The following MAPKBP1 variants were observed in gnomAD, a reference collection of about 807,000 sequenced individuals.
The protein encoded by MAPKBP1 is mitogen-activated protein kinase binding protein 1.
In MAPKBP1, 71 loss-of-function variants were observed where a neutral mutation model predicts 170.5. The ratio of observed to expected loss-of-function variants is 0.42; its 90% CI spans 0.34 to 0.51. The LOEUF is 0.51. Among genes scored for constraint, MAPKBP1 ranks in the 20% least tolerant of loss-of-function variants. The pLI is 0.06. For missense variants in MAPKBP1, 1,598 were observed against 1,933.0 expected (o/e 0.83, Z 3.25); for synonymous variants, 719 against 757.9 (o/e 0.95, Z 0.84).
intron 2 of MAPKBP1, among the ~76,000 whole-genome samples, chr15:41,797,261 G>A (rs1468330007): frequency 2.6e-5 from 4 of 152,148 alleles, no homozygotes; most frequent in Non-Finnish European, 5.9e-5. Context: ...CATGAGGGAC[G>A]GAAGGGATCA....
intron 2 of MAPKBP1, among the ~76,000 whole-genome samples, chr15:41,791,379 G>A (rs965260894): frequency 6.6e-6 from 1 of 152,112 alleles, no homozygotes; most frequent in Non-Finnish European, 1.5e-5. Context: ...AGCCACTCCC[G>A]TGCCATTGCA....
At chr15:41,797,492 C>T (rs947454618) in intron 2 of MAPKBP1, among the ~76,000 whole-genome samples, 15 of 152,104 alleles carry the variant, frequency 9.9e-5, no homozygotes, top group Admixed American at 7.2e-4. Flanking sequence ...GGTTCAGTGC[C>T]AGGATGACTG....
intron 2 of MAPKBP1, among the ~76,000 whole-genome samples, chr15:41,783,407 T>G (rs893215284): frequency 1.3e-5 from 2 of 152,180 alleles, no homozygotes; most frequent in Non-Finnish European, 2.9e-5. Flanking sequence ...GACAGTTGGT[T>G]GATGAGTTAA....
In MAPKBP1 at chr15:41,818,119, G is replaced by A. The variant is rs751520036; in HGVS notation, c.1980+35G>A. 22 of 1,611,994 alleles carry A rather than the reference G, an allele frequency of 1.4e-5. No homozygotes were observed. Among genetic ancestry groups the A allele is most frequent in the South Asian group, 3.3e-5 (3 of 91,042 alleles). ...CAGAGGGGGTACTGGACAGGGGCTC[G>A]GGGACAGAGTGGTGCTGGGTGGGAG... On this transcript the variant is annotated intron_variant, in intron 17 of 30. Transcript: ENST00000457542. This position sits in a 1 kb window ranked among gnomAD's most constrained non-coding sequence, Gnocchi z 5.2.
intron 3 of MAPKBP1, 143 bp from the exon 4 acceptor site, chr15:41,810,733 AAAAAAAG>A (rs1460325551): frequency 1.5e-5 from 9 of 610,952 alleles, no homozygotes; most frequent in African/African-American, 5.6e-5. Flanking sequence ...AAAAAAAAAA[AAAAAAAG>A]AAAAGGAAAA....
chr15:41,804,794 C>T (rs542072536), intron 3 of MAPKBP1, among the ~76,000 whole-genome samples: 1 of 152,284 alleles, frequency 6.6e-6, no homozygotes, highest in East Asian at 1.9e-4. Flanking sequence ...TGGGCAGTGC[C>T]CCTAATCTGT....
rs762072543 is a variant in MAPKBP1, at chr15:41,804,117, G to C, written c.206+4203G>C. Among the ~76,000 whole-genome samples the C allele has an allele frequency of 3.9e-5, 6 of 152,348 alleles. No homozygotes were observed. In the South Asian group the frequency reaches 1.0e-3, roughly 26 times the overall value. Reference sequence around the variant, plus strand: ...GGCCTCCCAAAGTGCTGGGATTACAGGTGTGAGCCACTGTGCCCGGCCACT... The same window carrying C: ...GGCCTCCCAAAGTGCTGGGATTACACGTGTGAGCCACTGTGCCCGGCCACT... On this transcript the variant is annotated intron_variant, in intron 3 of 30. Transcript: ENST00000457542.
chr15:41,782,902 G>A (rs543229703), intron 2 of MAPKBP1, among the ~76,000 whole-genome samples: 7 of 152,262 alleles, frequency 4.6e-5, no homozygotes, highest in African/African-American at 1.7e-4. Flanking sequence ...CCATCACTCA[G>A]TAACCCTTGT....
rs578101290 is a variant in MAPKBP1 at position 41,797,513 on chromosome 15, C to A, written c.115-2310C>A. Among the ~76,000 whole-genome samples the A allele has an allele frequency of 4.6e-5, 7 of 152,268 alleles. No homozygotes were observed. The South Asian group carries it at 1.5e-3, about 32-fold the overall frequency. ...GTGCCAGGATGACTGGTGACTTAAACTGAGTATCCCCCAGACTTCCCCAGG... is the reference window on the plus strand; with the variant it reads ...GTGCCAGGATGACTGGTGACTTAAAATGAGTATCCCCCAGACTTCCCCAGG... On this transcript the variant is annotated intron_variant, in intron 2 of 30. Coordinates refer to ENST00000457542, the MANE Select transcript of MAPKBP1 (RefSeq NM_014994.3).
chr15:41,823,962 C>G lies in MAPKBP1; in HGVS notation c.4114C>G (p.Leu1372Val). The G allele has an allele frequency of 6.2e-7, 1 of 1,614,156 alleles. No individual in the cohort carries two copies. The highest frequency in any genetic ancestry group is 1.6e-4 in the Middle Eastern group (1 of 6,062). ...PCAQQLPVSSLFQGPENLQPP... is the reference protein window; with the variant it reads ...PCAQQLPVSSVFQGPENLQPP... ...TGCCCAGCAACTGCCAGTCAGCAGCCTCTTCCAAGGCCCTGAAAACTTGCA... is the reference window on the plus strand; with the variant it reads ...TGCCCAGCAACTGCCAGTCAGCAGCGTCTTCCAAGGCCCTGAAAACTTGCA... Residue 1372 changes from leucine to valine, a missense_variant, in exon 29 of 31, where the codon CTC becomes GTC. Transcript: ENST00000457542.
intron 2 of MAPKBP1, among the ~76,000 whole-genome samples, chr15:41,784,270 T>C (rs79271628): frequency 0.014 from 2,125 of 152,284 alleles, 54 homozygotes; most frequent in African/African-American, 0.049. Flanking sequence ...GGTTCTCTTG[T>C]AAGGCCCGTA....
chr15:41,815,472 T>C, intron 11 of MAPKBP1, 67 bp downstream of exon 11: 1 of 1,592,026 alleles, frequency 6.3e-7, no homozygotes, highest in Non-Finnish European at 8.6e-7. Context: ...TATTGCACCT[T>C]GTTACTGGGA....
At chr15:41,783,622 C>G (rs2064227659) in intron 2 of MAPKBP1, among the ~76,000 whole-genome samples, 1 of 152,182 alleles carries the variant, frequency 6.6e-6, no homozygotes, top group Non-Finnish European at 1.5e-5. Flanking sequence ...TCCCTGTACT[C>G]CCTCAGTTTG....
At chr15:41,810,366 G>A (rs1233089882) in intron 3 of MAPKBP1, among the ~76,000 whole-genome samples, 4 of 151,944 alleles carry the variant, frequency 2.6e-5, no homozygotes, top group African/African-American at 4.8e-5. Context: ...ACCCTCATGG[G>A]GCTACAGAGA....
Position 41,817,033 on chromosome 15 carries a change from C to A in MAPKBP1, c.1709C>A (p.Ala570Glu). The A allele has an allele frequency of 6.3e-7, 1 of 1,581,112 alleles. No homozygotes were observed. Among genetic ancestry groups the A allele is most frequent in the Non-Finnish European group, 8.6e-7 (1 of 1,160,338 alleles). The change falls in exon 14 of 31, where the codon GCA becomes GAA. Residue 570 changes from alanine (A) to glutamate (E), a missense_variant and splice_region_variant. Physicochemically the swap from Ala to Glu is moderately radical, Grantham distance 107 (BLOSUM62 -1). Transcript: ENST00000457542. The surrounding 1 kb of genome is among the most constrained non-coding windows in gnomAD (Gnocchi z 4.2). ...TCCTCCATCACTGCTGTTAAGTTTG[C>A]AGGTGCGGGCAGGGTGAATGAGACA... ...HSSSITAVKF[A>E]ASDGQVRMIS...
At chr15:41,775,104 C>G (rs534414719) in intron 1 of MAPKBP1, 63 bp from the exon 2 acceptor site, 1 of 607,946 alleles carries the variant, frequency 1.6e-6, no homozygotes, top group Admixed American at 2.9e-5. Context: ...GAGGTAAAAG[C>G]TGCAGACTTC....
rs756581945 is a variant in MAPKBP1 at position 41,813,760 on chromosome 15, T to C, written c.959T>C (p.Ile320Thr). The C allele has an allele frequency of 6.2e-7, 1 of 1,602,014 alleles. No homozygotes were observed. Among genetic ancestry groups the C allele is most frequent in the South Asian group, 1.1e-5 (1 of 89,518 alleles). ...LPRPHALGTDIASVTEASRLF... is the reference protein window; with the variant it reads ...LPRPHALGTDTASVTEASRLF... Reference sequence around the variant, plus strand: ...CGACCCCATGCTCTGGGGACAGACATTGCTAGCGTCACCGAGGCCAGGTGA... The same window carrying C: ...CGACCCCATGCTCTGGGGACAGACACTGCTAGCGTCACCGAGGCCAGGTGA... Residue 320 changes from isoleucine to threonine, a missense_variant, in exon 9 of 31, where the codon ATT (isoleucine) becomes ACT (threonine). Transcript: ENST00000457542.
rs1241730697 is a variant in MAPKBP1 at position 41,813,293 on chromosome 15, T to C, written c.819+192T>C. The C allele has an allele frequency of 2.0e-6, 3 of 1,528,866 alleles. No individual in the cohort carries two copies. The South Asian group carries it at 3.4e-5, about 17-fold the overall frequency. 94.7% of individuals were successfully genotyped at this position (1,528,866 alleles called of 1,614,324 possible). ...CTGTATAACTGCCTCCTCTCTGCTC[T>C]TTCTGTCTCTTTCCCCTGCTTTCCT... On this transcript the variant is annotated intron_variant, in intron 8 of 30. Transcript: ENST00000457542.
intron 12 of MAPKBP1, 190 bp from the exon 13 acceptor site, chr15:41,816,369 A>T: frequency 1.8e-6 from 1 of 571,288 alleles, no homozygotes; most frequent in Non-Finnish European, 3.1e-6. Context: ...CACTATCGTT[A>T]TGTAAGATGT....
Sources: allele counts gnomAD v4.1 joint callset (sites outside exome capture counted in the v4.1 genomes callset), GRCh38; gene constraint gnomAD v4.1.1; non-coding constraint Gnocchi (gnomAD v3.1); transcripts MANE v1.5; gene names NCBI Gene and HGNC (gene_info 2026-07-23, HGNC 2026-07-21).